The following RIMS1 variants were observed in gnomAD, a reference collection of about 807,000 sequenced individuals.
RIMS1 encodes the protein regulating synaptic membrane exocytosis 1.
Under a neutral mutation model 214.1 loss-of-function variants are expected in RIMS1, and 83 were observed. That is an observed-to-expected ratio of 0.39 (90% CI 0.32 to 0.47). The LOEUF (loss-of-function observed/expected upper bound fraction) is 0.47, where lower values mean the gene tolerates loss of function less well. Among genes scored for constraint, RIMS1 ranks in the 20% least tolerant of loss-of-function variants. The probability of loss-of-function intolerance (pLI) is 0.99; values close to 1 mark genes in which losing one functional copy is unlikely to be tolerated. For synonymous variants in RIMS1, 793 were observed against 786.8 expected (o/e 1.01, Z -0.13); for missense variants, 2,050 against 2,161.8 (o/e 0.95, Z 1.03).
chr6:72,167,673 T>G (rs1830340), intron 4 of RIMS1, among the ~76,000 whole-genome samples: 1 of 151,820 alleles, frequency 6.6e-6, no homozygotes, highest in Admixed American at 6.6e-5. Flanking sequence ...TTTGGTAGTT[T>G]GAGTTTTTGA....
intron 2 of RIMS1, among the ~76,000 whole-genome samples, chr6:72,022,106 A>C (rs1562134107): frequency 6.6e-6 from 1 of 152,220 alleles, no homozygotes; most frequent in Non-Finnish European, 1.5e-5. Flanking sequence ...CTAGGAGTGA[A>C]AGTGAAAAGA....
At chr6:72,053,404 T>C (rs1026574941) in intron 2 of RIMS1, among the ~76,000 whole-genome samples, 4 of 152,182 alleles carry the variant, frequency 2.6e-5, no homozygotes, top group Non-Finnish European at 4.4e-5. Flanking sequence ...GGTGGAGAAA[T>C]ACCTTACTCT....
chr6:72,141,731 G>T (rs1297263200), intron 4 of RIMS1, among the ~76,000 whole-genome samples: 1 of 151,916 alleles, frequency 6.6e-6, no homozygotes, highest in Admixed American at 6.6e-5. Context: ...TAAGCATAGT[G>T]AAAAAAATCT....
At chr6:72,257,698 G>C (rs917000339) in intron 16 of RIMS1, among the ~76,000 whole-genome samples, 9 of 151,940 alleles carry the variant, frequency 5.9e-5, no homozygotes, top group Non-Finnish European at 1.2e-4. Context: ...TTATTCTCTA[G>C]AATAAAAATC....
intron 1 of RIMS1, among the ~76,000 whole-genome samples, chr6:71,919,775 A>G (rs1177842600): frequency 6.6e-6 from 1 of 152,218 alleles, no homozygotes; most frequent in East Asian, 1.9e-4. Flanking sequence ...ATCCAAGAGA[A>G]AAATGAGAAT....
intron 6 of RIMS1, chr6:72,217,127 C>T (rs1285843869): frequency 1.3e-6 from 2 of 1,530,268 alleles, no homozygotes; most frequent in East Asian, 2.5e-5. Flanking sequence ...GCTGCCATTG[C>T]TAGCTGAAAT....
At chr6:72,291,301 A>G (rs2093350757) in intron 25 of RIMS1, among the ~76,000 whole-genome samples, 1 of 152,190 alleles carries the variant, frequency 6.6e-6, no homozygotes, top group Admixed American at 6.6e-5. Context: ...ATGCCAACAG[A>G]TGGAAGTCCG....
At chr6:72,278,157 ATC>A (rs1563453517) in intron 23 of RIMS1, among the ~76,000 whole-genome samples, 1 of 99,316 alleles carries the variant, frequency 1.0e-5, no homozygotes, top group African/African-American at 3.6e-5. Flanking sequence ...TTTTTAATCT[ATC>A]TATCTATCTA....
Position 72,242,373 on chromosome 6 carries a change from T to C in RIMS1, c.2017T>C (p.Tyr673His). The change falls in exon 10 of 34, where the codon TAC becomes CAC. Residue 673 changes from tyrosine to histidine, a missense_variant. Around this residue, in one of 6 missense-constraint regions of RIMS1, gnomAD observed 111 missense variants for 166.2 expected, o/e 0.67. Transcript: ENST00000521978. ...GCCGGGAGCTACAAATGAAGAAGTTTACAACATTATTTTAGAATCAAAATC... is the reference window on the plus strand; with the variant it reads ...GCCGGGAGCTACAAATGAAGAAGTTCACAACATTATTTTAGAATCAAAATC... Reference protein sequence around the residue: ...PLPGATNEEVYNIILESKSEP... With the variant: ...PLPGATNEEVHNIILESKSEP... 1 of 1,562,480 alleles carries C rather than the reference T, an allele frequency of 6.4e-7. No homozygotes were observed. The highest frequency in any genetic ancestry group is 8.7e-7 in the Non-Finnish European group (1 of 1,150,498).
At chr6:72,171,464 G>A (rs924662851) in intron 4 of RIMS1, among the ~76,000 whole-genome samples, 34 of 151,682 alleles carry the variant, frequency 2.2e-4, no homozygotes, top group African/African-American at 6.3e-4. Flanking sequence ...TAGCCCCCCC[G>A]AACCTTTCTG....
At chr6:72,101,528 C>A (rs2153809753) in intron 4 of RIMS1, among the ~76,000 whole-genome samples, 1 of 151,984 alleles carries the variant, frequency 6.6e-6, no homozygotes, top group Non-Finnish European at 1.5e-5. Flanking sequence ...AGTTCTTTCC[C>A]TATTCCTCTA....
chr6:72,399,109 G>C lies in RIMS1; in HGVS notation c.4860+15G>C, dbSNP rs553488575. On this transcript the variant is annotated intron_variant, in intron 33 of 33. Coordinates refer to ENST00000521978, the MANE Select transcript of RIMS1 (RefSeq NM_014989.7). ...AAGTTCTTCAGGTCAGTAATAGTTT[G>C]TTTGGCTTTTTACATTGAAATGTCT... 2 of 1,563,770 alleles carry C rather than the reference G, an allele frequency of 1.3e-6. No homozygotes were observed. The highest frequency in any genetic ancestry group is 1.7e-6 in the Non-Finnish European group (2 of 1,155,250).
At chr6:71,965,526 C>A (rs1794189351) in intron 1 of RIMS1, among the ~76,000 whole-genome samples, 1 of 152,186 alleles carries the variant, frequency 6.6e-6, no homozygotes, top group Non-Finnish European at 1.5e-5. Context: ...TGTGTACGTG[C>A]ACTGAAGAGT....
At chr6:72,047,130 A>C (rs1202570390) in intron 2 of RIMS1, among the ~76,000 whole-genome samples, 1 of 152,172 alleles carries the variant, frequency 6.6e-6, no homozygotes, top group Non-Finnish European at 1.5e-5. Flanking sequence ...TTTTAAAGCA[A>C]CTTCAGGTTT....
chr6:72,143,998 T>C (rs947184444), intron 4 of RIMS1, among the ~76,000 whole-genome samples: 1 of 152,216 alleles, frequency 6.6e-6, no homozygotes, highest in East Asian at 1.9e-4. Flanking sequence ...AAACATGTCC[T>C]GGACCACAGT....
At chr6:72,210,700 G>A (rs1484366963) in intron 6 of RIMS1, among the ~76,000 whole-genome samples, 2 of 152,156 alleles carry the variant, frequency 1.3e-5, no homozygotes, top group Non-Finnish European at 2.9e-5. Flanking sequence ...TGCTTTTGTT[G>A]AATTCAAATT....
At chr6:72,082,733 A>G (rs1833717145) in intron 2 of RIMS1, among the ~76,000 whole-genome samples, 1 of 152,116 alleles carries the variant, frequency 6.6e-6, no homozygotes, top group Non-Finnish European at 1.5e-5. Context: ...GGTGTTCAGA[A>G]CCTCTGAACA....
Position 72,264,075 on chromosome 6 carries a change from A to G in RIMS1, c.3117-900A>G, listed in dbSNP as rs1050298283. 58 of 814,430 alleles carry G rather than the reference A, an allele frequency of 7.1e-5. 1 individual carries two copies. The African/African-American group carries it at 1.0e-3, about 14-fold the overall frequency. The allele number at this position is 814,430 out of a possible 1,614,324, so 50.5% of individuals were successfully genotyped here. On this transcript the variant is annotated intron_variant, in intron 19 of 33. Coordinates refer to ENST00000521978, the MANE Select transcript of RIMS1 (RefSeq NM_014989.7). ...GGGATTTCCTTTGATTTGATCATTA[A>G]TATAAACATGATTAAACCAGTGAGG...
chr6:72,117,700 G>A (rs1317825964), intron 4 of RIMS1, among the ~76,000 whole-genome samples: 1 of 151,796 alleles, frequency 6.6e-6, no homozygotes, highest in Non-Finnish European at 1.5e-5. Flanking sequence ...ATGAAATGAA[G>A]ATGGAATTAA....
Sources: gnomAD v4.1 joint callset for allele counts (sites outside exome capture counted in the v4.1 genomes callset) on GRCh38, gnomAD v4.1.1 for gene constraint, gnomAD v4.1.1 regional missense constraint, MANE v1.5 for transcripts, NCBI Gene and HGNC (gene_info 2026-07-23, HGNC 2026-07-21) for gene names.